The following LARP1 variants were observed in gnomAD, a reference collection of about 807,000 sequenced individuals.
The protein encoded by LARP1 is la-related protein 1.
A neutral mutation model predicts 122.7 loss-of-function variants in LARP1; 36 were observed. The ratio of observed to expected loss-of-function variants is 0.29; its 90% CI spans 0.22 to 0.39. LARP1 has a LOEUF of 0.39. LARP1 is among the 10% of genes least tolerant of loss of function. The pLI is 1.00. For synonymous variants in LARP1, 539 were observed against 528.7 expected (o/e 1.02, Z -0.27); for missense variants, 1,040 against 1,403.6 (o/e 0.74, Z 4.14).
chr5:154,791,223 C>T (rs1757321781), intron 3 of LARP1, among the ~76,000 whole-genome samples: 1 of 149,436 alleles, frequency 6.7e-6, no homozygotes, highest in Non-Finnish European at 1.5e-5. Flanking sequence ...CAACCTCCGC[C>T]TCCCAGGTTC....
chr5:154,694,162 C>T (rs1754363566), intron 1 of LARP1, among the ~76,000 whole-genome samples: 1 of 151,992 alleles, frequency 6.6e-6, no homozygotes, highest in African/African-American at 2.4e-5. Context: ...TTAAAGAGAC[C>T]TAATAGTCTA....
intron 1 of LARP1, among the ~76,000 whole-genome samples, chr5:154,739,331 T>C (rs1309291864): frequency 6.6e-6 from 1 of 151,640 alleles, no homozygotes; most frequent in Non-Finnish European, 1.5e-5. Flanking sequence ...TAAAAGAAGA[T>C]TCTAAAGGGA....
At chr5:154,787,549 A>G (rs543263030) in intron 1 of LARP1, among the ~76,000 whole-genome samples, 2 of 152,342 alleles carry the variant, frequency 1.3e-5, no homozygotes, top group South Asian at 4.1e-4. Context: ...CATCTGAGCC[A>G]TTCTGGGTTT....
In LARP1 at chr5:154,815,453, C is replaced by T. The variant is rs183601268; in HGVS notation, c.*1357C>T. The T allele has an allele frequency of 2.0e-5, 3 of 152,410 alleles. No homozygotes were observed. The East Asian group carries it at 5.8e-4, about 29-fold the overall frequency. The allele number at this position is 152,410 out of a possible 1,614,324, so 9.4% of individuals were successfully genotyped here. The stretch of plus-strand genomic sequence containing the variant: ...TCACACCCCAGAGTGGAAAGGTGAA[C>T]ACCTGCAGCTGAGGCTTGGAAACGT... On this transcript the variant is annotated 3_prime_UTR_variant, in exon 19 of 19. Coordinates refer to ENST00000518297, the MANE Select transcript of LARP1 (RefSeq NM_033551.3).
At chr5:154,775,581 C>T (rs1755807596) in intron 1 of LARP1, among the ~76,000 whole-genome samples, 1 of 151,924 alleles carries the variant, frequency 6.6e-6, no homozygotes, top group African/African-American at 2.4e-5. Flanking sequence ...TAGAGCATTG[C>T]CTTTGCAATA....
At chr5:154,779,929 C>T (rs1277190923) in intron 1 of LARP1, among the ~76,000 whole-genome samples, 1 of 152,162 alleles carries the variant, frequency 6.6e-6, no homozygotes, top group Non-Finnish European at 1.5e-5. Context: ...ATGTTCATAG[C>T]ATCCCAGGGC....
In LARP1 at chr5:154,813,797, G is replaced by A. The variant is rs933800169; in HGVS notation, c.3082-90G>A. 7 of 1,006,060 alleles carry A rather than the reference G, an allele frequency of 7.0e-6. No homozygotes were observed. The Admixed American group carries it at 9.8e-5, about 14-fold the overall frequency. 62.3% of individuals were successfully genotyped at this position (1,006,060 alleles called of 1,614,324 possible). ...ACCCATTCATTTTCTATATTTGGAG[G>A]TAGAAAGTAGGAAGTGTCTAGACGG... On this transcript the variant is annotated intron_variant, in intron 18 of 18. Coordinates refer to ENST00000518297, the MANE Select transcript of LARP1 (RefSeq NM_033551.3).
chr5:154,804,993 A>G, intron 14 of LARP1: 1 of 445,272 alleles, frequency 2.2e-6, no homozygotes, highest in Non-Finnish European at 4.5e-6. Flanking sequence ...CCAAAAGCCT[A>G]CTGTTAACCA....
chr5:154,695,950 C>T (rs890964456), intron 1 of LARP1, among the ~76,000 whole-genome samples: 8 of 152,018 alleles, frequency 5.3e-5, no homozygotes, highest in Admixed American at 3.3e-4. Context: ...AGGTGATGTA[C>T]GCTAGTAGGT....
chr5:154,779,373 T>C (rs1448841075), intron 1 of LARP1, among the ~76,000 whole-genome samples: 1 of 152,188 alleles, frequency 6.6e-6, no homozygotes, highest in Non-Finnish European at 1.5e-5. Context: ...GGCTCTTGGT[T>C]AGTACATCCA....
At chr5:154,691,815 T>C (rs924623937) in intron 1 of LARP1, among the ~76,000 whole-genome samples, 1 of 150,714 alleles carries the variant, frequency 6.6e-6, no homozygotes, top group African/African-American at 2.5e-5. Flanking sequence ...TTTTTTTTTC[T>C]TTTTCTTTTT....
intron 1 of LARP1, chr5:154,685,814 T>C: frequency 2.2e-6 from 1 of 444,998 alleles, no homozygotes; most frequent in African/African-American, 3.1e-5. Context: ...CTACAATTTT[T>C]TTTTTTTTAA....
rs1334624088 is a variant in LARP1, at chr5:154,816,023, G to A, written c.*1927G>A. ...TTGGGAGTAGGAGACAGTATCCCAG[G>A]CTGACAAGGGCTTGCCCTTTACCTT... On this transcript the variant is annotated 3_prime_UTR_variant, in exon 19 of 19. Transcript: ENST00000518297. 1 of 152,426 alleles carries A rather than the reference G, an allele frequency of 6.6e-6. No homozygotes were observed. The highest frequency in any genetic ancestry group is 1.5e-5 in the Non-Finnish European group (1 of 68,048). 9.4% of individuals were successfully genotyped at this position (152,426 alleles called of 1,614,324 possible).
intron 1 of LARP1, among the ~76,000 whole-genome samples, chr5:154,689,974 G>A (rs771744074): frequency 2.6e-5 from 4 of 152,228 alleles, no homozygotes; most frequent in Non-Finnish European, 4.4e-5. Flanking sequence ...CTGGGAGGTG[G>A]AGGTTGCACT....
chr5:154,690,833 C>T (rs1754162845), intron 1 of LARP1, among the ~76,000 whole-genome samples: 1 of 152,236 alleles, frequency 6.6e-6, no homozygotes, highest in Admixed American at 6.5e-5. Flanking sequence ...GCCGCACAGT[C>T]CTCAGGATTC....
intron 1 of LARP1, among the ~76,000 whole-genome samples, chr5:154,704,426 C>T (rs1301534236): frequency 1.3e-5 from 2 of 151,866 alleles, no homozygotes; most frequent in Non-Finnish European, 2.9e-5. Context: ...GTGGGTGGAC[C>T]ACTGGAGGTC....
chr5:154,733,876 T>A (rs1756730729), intron 1 of LARP1, among the ~76,000 whole-genome samples: 1 of 152,148 alleles, frequency 6.6e-6, no homozygotes, highest in Non-Finnish European at 1.5e-5. Flanking sequence ...ACCTCTATTT[T>A]TTTGTCTGTA....
Position 154,685,455 on chromosome 5 carries a change from A to G in LARP1, c.-180+2418A>G, listed in dbSNP as rs977243667. Among the ~76,000 whole-genome samples the G allele has an allele frequency of 2.0e-4, 30 of 151,954 alleles. 1 individual carries two copies. Among genetic ancestry groups the G allele is most frequent in the Non-Finnish European group, 5.9e-5 (4 of 68,006 alleles). On this transcript the variant is annotated intron_variant, in intron 1 of 18. Coordinates refer to the LARP1 transcript ENST00000687700. ...ATTCCAAGCTGGCTGGCCCCTTCTT[A>G]TCCTTCAGTCTCAGCTCCTATGTTA...
chr5:154,714,716 G>A (rs576648530), intron 1 of LARP1, among the ~76,000 whole-genome samples: 71 of 152,278 alleles, frequency 4.7e-4, no homozygotes, highest in Middle Eastern at 3.4e-3. Context: ...TGGTTTCAAG[G>A]GTTGTGGCAG....
Sources: allele counts gnomAD v4.1 joint callset (sites outside exome capture counted in the v4.1 genomes callset), GRCh38; gene constraint gnomAD v4.1.1; transcripts MANE v1.5; gene names NCBI Gene and HGNC (gene_info 2026-07-23, HGNC 2026-07-21).